The following CTNNA3 variants were observed in gnomAD, a reference collection of about 807,000 sequenced individuals.
The protein encoded by CTNNA3 is catenin alpha 3.
Under a neutral mutation model 95.7 loss-of-function variants are expected in CTNNA3, and 76 were observed. The ratio of observed to expected loss-of-function variants is 0.79; its 90% CI spans 0.66 to 0.96. The LOEUF is 0.96. CTNNA3 is among the 40% of genes least tolerant of loss of function. The pLI is 0.00. For synonymous variants in CTNNA3, 431 were observed against 374.4 expected (o/e 1.15, Z -1.74); for missense variants, 1,191 against 1,089.8 (o/e 1.09, Z -1.31).
intron 11 of CTNNA3, among the ~76,000 whole-genome samples, chr10:66,429,351 T>A (rs990589210): frequency 1.3e-5 from 2 of 152,188 alleles, no homozygotes; most frequent in Admixed American, 1.3e-4. Context: ...TCATTCCTTC[T>A]GAAACTATTC....
At chr10:65,987,296 C>A (rs1321519867) in intron 16 of CTNNA3, among the ~76,000 whole-genome samples, 1 of 151,298 alleles carries the variant, frequency 6.6e-6, no homozygotes, top group Admixed American at 6.6e-5. Flanking sequence ...TACTATTTGA[C>A]AAGGGATTAA....
chr10:66,425,121 C>T lies in CTNNA3; in HGVS notation c.1532-45769G>A, dbSNP rs186078989. On this transcript the variant is annotated intron_variant, in intron 11 of 17. Transcript: ENST00000433211. The stretch of plus-strand genomic sequence containing the variant: ...AAATATATTGTTATTTAAAAAAATC[C>T]TCTATAGATGTTTTTGCCTTAAATT... Among the ~76,000 whole-genome samples the T allele has an allele frequency of 5.0e-3, 757 of 151,664 alleles. 6 individuals carry two copies. The highest frequency in any genetic ancestry group is 0.017 in the African/African-American group (720 of 41,390).
chr10:66,613,155 A>G (rs1306590897), intron 10 of CTNNA3, among the ~76,000 whole-genome samples: 3 of 152,076 alleles, frequency 2.0e-5, no homozygotes, highest in Admixed American at 1.3e-4. Flanking sequence ...ATGTGAAACT[A>G]TGCTAATTCT....
intron 15 of CTNNA3, among the ~76,000 whole-genome samples, chr10:66,052,327 T>A (rs2079975694): frequency 6.6e-6 from 1 of 152,142 alleles, no homozygotes; most frequent in Non-Finnish European, 1.5e-5. Flanking sequence ...TTCTTATCCA[T>A]AATTAGGAAA....
chr10:66,981,950 T>C (rs1307157310), intron 7 of CTNNA3, among the ~76,000 whole-genome samples: 1 of 152,224 alleles, frequency 6.6e-6, no homozygotes, highest in Non-Finnish European at 1.5e-5. Flanking sequence ...GGCTGCCTAT[T>C]TGGCTCAGCT....
intron 1 of CTNNA3, chr10:67,648,690 T>C (rs1839791686): frequency 5.7e-6 from 7 of 1,226,370 alleles, no homozygotes; most frequent in African/African-American, 1.6e-5. Context: ...TATTGGCATA[T>C]GATACATCAA....
intron 13 of CTNNA3, among the ~76,000 whole-genome samples, chr10:66,107,345 G>A (rs1260712297): frequency 6.6e-6 from 1 of 152,100 alleles, no homozygotes; most frequent in Non-Finnish European, 1.5e-5. Flanking sequence ...CTGTAAAATA[G>A]CACAAATACT....
intron 1 of CTNNA3, among the ~76,000 whole-genome samples, chr10:67,739,467 T>A (rs1218878568): frequency 6.6e-6 from 1 of 152,076 alleles, no homozygotes; most frequent in East Asian, 1.9e-4. Context: ...AGTCTCAGGA[T>A]ACAAAATCAG....
At chr10:66,515,939 A>G (rs551798177) in intron 11 of CTNNA3, among the ~76,000 whole-genome samples, 30 of 152,164 alleles carry the variant, frequency 2.0e-4, no homozygotes, top group African/African-American at 6.3e-4. Context: ...ATTCTTCACA[A>G]GTACCAGATA....
intron 5 of CTNNA3, among the ~76,000 whole-genome samples, chr10:67,473,354 C>T (rs74142817): frequency 0.024 from 3,590 of 152,220 alleles, 132 homozygotes; most frequent in African/African-American, 0.076. Flanking sequence ...TATATGCTCA[C>T]GCTATATGTC....
intron 3 of CTNNA3, among the ~76,000 whole-genome samples, chr10:67,585,872 GTTTTGTTTGTTTTTAC>G (rs891836542): frequency 6.6e-6 from 1 of 151,660 alleles, no homozygotes; most frequent in Admixed American, 6.6e-5. Flanking sequence ...CTAATTTGGG[GTTTTGTTTGTTTTTAC>G]TTTTCTAGTT....
chr10:66,411,223 G>C (rs1215209330), intron 11 of CTNNA3, among the ~76,000 whole-genome samples: 1 of 151,808 alleles, frequency 6.6e-6, no homozygotes, highest in Non-Finnish European at 1.5e-5. Flanking sequence ...CACATCTTTG[G>C]TAAAATCATT....
chr10:66,756,677 T>C (rs1839371864), intron 9 of CTNNA3, among the ~76,000 whole-genome samples: 1 of 152,110 alleles, frequency 6.6e-6, no homozygotes. Context: ...TCTGTGTTTC[T>C]CTAATCCACT....
chr10:67,280,047 A>C (rs1589121249), intron 5 of CTNNA3, among the ~76,000 whole-genome samples: 1 of 150,518 alleles, frequency 6.6e-6, no homozygotes, highest in East Asian at 1.9e-4. Flanking sequence ...TCCAGAGAAC[A>C]ATACCCCAAA....
chr10:66,556,725 G>A (rs1842402151), intron 10 of CTNNA3, among the ~76,000 whole-genome samples: 1 of 151,968 alleles, frequency 6.6e-6, no homozygotes, highest in African/African-American at 2.4e-5. Context: ...GCAGAAAGGT[G>A]GGGGAAATAG....
At chr10:66,102,794 G>A (rs1050468735) in intron 14 of CTNNA3, among the ~76,000 whole-genome samples, 15 of 152,054 alleles carry the variant, frequency 9.9e-5, no homozygotes, top group Admixed American at 9.8e-4. Context: ...TATTGACTCA[G>A]ACGAGTTTTC....
chr10:66,006,555 T>C (rs1427562940), intron 15 of CTNNA3, among the ~76,000 whole-genome samples: 4 of 152,172 alleles, frequency 2.6e-5, no homozygotes, highest in Admixed American at 2.6e-4. Flanking sequence ...GTAAATACCA[T>C]CACACTCTCT....
chr10:66,683,625 C>T (rs1397241622), intron 9 of CTNNA3, among the ~76,000 whole-genome samples: 2 of 132,920 alleles, frequency 1.5e-5, no homozygotes, highest in Admixed American at 7.2e-5. Context: ...ATGTGCTATG[C>T]AAGTCATCAA....
intron 11 of CTNNA3, among the ~76,000 whole-genome samples, chr10:66,470,788 C>G (rs946472414): frequency 6.6e-6 from 1 of 151,600 alleles, no homozygotes; most frequent in African/African-American, 2.4e-5. Context: ...GAGGTGGAAA[C>G]CAGCACTGAA....
Sources: allele counts gnomAD v4.1 joint callset (sites outside exome capture counted in the v4.1 genomes callset), GRCh38; gene constraint gnomAD v4.1.1; transcripts MANE v1.5; gene names NCBI Gene and HGNC (gene_info 2026-07-23, HGNC 2026-07-21).